The following CTNNA2 variants were observed in gnomAD, a reference collection of about 807,000 sequenced individuals.
CTNNA2 encodes catenin alpha-2.
Under a neutral mutation model 101.0 loss-of-function variants are expected in CTNNA2, and 42 were observed. The observed-to-expected ratio is 0.42, with a 90% CI of 0.32 to 0.54. CTNNA2 has a LOEUF of 0.54. Ranked by LOEUF, CTNNA2 falls within the 20% of genes least tolerant of loss-of-function variation. The pLI, the probability that CTNNA2 is intolerant of heterozygous loss-of-function variation, is 0.14. For missense variants in CTNNA2, 871 were observed against 1,223.1 expected, an observed-to-expected ratio of 0.71 and a Z score of 4.29; for synonymous variants, 450 against 456.4, an observed-to-expected ratio of 0.99 and a Z score of 0.18.
intron 2 of CTNNA2, among the ~76,000 whole-genome samples, chr2:79,208,729 C>T (rs767111232): frequency 2.0e-5 from 3 of 152,152 alleles, no homozygotes; most frequent in African/African-American, 4.8e-5. Context: ...TTCATTTATC[C>T]TTCTCAGTAC....
At chr2:79,420,411 T>C (rs545658107) in intron 4 of CTNNA2, among the ~76,000 whole-genome samples, 3 of 152,112 alleles carry the variant, frequency 2.0e-5, no homozygotes, top group South Asian at 4.2e-4. Context: ...AAAAATAACA[T>C]TGTACATATA....
intron 9 of CTNNA2, among the ~76,000 whole-genome samples, chr2:80,515,820 G>A (rs1042311435): frequency 6.6e-6 from 1 of 152,182 alleles, no homozygotes; most frequent in Non-Finnish European, 1.5e-5. Context: ...ATCAATTGAG[G>A]CTTCAGATTC....
chr2:79,651,927 A>G (rs1438733971), intron 2 of CTNNA2, among the ~76,000 whole-genome samples: 3 of 152,144 alleles, frequency 2.0e-5, no homozygotes, highest in African/African-American at 7.2e-5. Flanking sequence ...CATTTACGGT[A>G]ATGGGTTCAA....
chr2:79,368,404 C>T (rs995463515), intron 3 of CTNNA2, among the ~76,000 whole-genome samples: 36 of 152,220 alleles, frequency 2.4e-4, no homozygotes, highest in African/African-American at 8.4e-4. Context: ...GAATTCCCTT[C>T]TGCAATAAAG....
chr2:79,974,141 G>A (rs502234), intron 7 of CTNNA2, among the ~76,000 whole-genome samples: 72,571 of 151,648 alleles, frequency 0.48, 18,920 homozygotes, highest in Non-Finnish European at 0.6. Flanking sequence ...GAAAACTTTC[G>A]CAGGTGTATC....
intron 15 of CTNNA2, among the ~76,000 whole-genome samples, chr2:80,591,981 T>G (rs1378785765): frequency 3.3e-5 from 5 of 152,200 alleles, no homozygotes; most frequent in Non-Finnish European, 7.3e-5. Flanking sequence ...TGCATGCTTT[T>G]CTTTTCATGT....
At chr2:79,802,424 G>C (rs982495317) in intron 3 of CTNNA2, among the ~76,000 whole-genome samples, 11 of 152,172 alleles carry the variant, frequency 7.2e-5, no homozygotes, top group Admixed American at 2.6e-4. Flanking sequence ...TGAGTGATTT[G>C]AGGACATCAT....
At chr2:79,404,074 T>A (rs1416835449) in intron 4 of CTNNA2, among the ~76,000 whole-genome samples, 1 of 151,874 alleles carries the variant, frequency 6.6e-6, no homozygotes, top group African/African-American at 2.4e-5. Context: ...TCTAACAAAT[T>A]TTACTCACAT....
At chr2:80,506,412 C>T (rs1172947171) in intron 9 of CTNNA2, among the ~76,000 whole-genome samples, 2 of 152,050 alleles carry the variant, frequency 1.3e-5, no homozygotes, top group Non-Finnish European at 2.9e-5. Flanking sequence ...CAATTCAGAG[C>T]TGTTGGAGGC....
At chr2:80,608,984 C>A (rs571422144) in intron 17 of CTNNA2, among the ~76,000 whole-genome samples, 23 of 151,956 alleles carry the variant, frequency 1.5e-4, no homozygotes, top group African/African-American at 5.5e-4. Context: ...AGAAGAATCA[C>A]AATTTCTTGG....
chr2:79,739,332 C>T (rs1337591588), intron 2 of CTNNA2, among the ~76,000 whole-genome samples: 1 of 152,166 alleles, frequency 6.6e-6, no homozygotes, highest in Non-Finnish European at 1.5e-5. Flanking sequence ...CTCTGTCAAA[C>T]TCTTCCATTC....
intron 3 of CTNNA2, among the ~76,000 whole-genome samples, chr2:79,787,773 T>C (rs941054719): frequency 6.6e-6 from 1 of 152,084 alleles, no homozygotes; most frequent in Admixed American, 6.6e-5. Context: ...CATCTCCTTT[T>C]ATCTATTGAT....
intron 7 of CTNNA2, among the ~76,000 whole-genome samples, chr2:80,234,941 G>C (rs1709465166): frequency 6.6e-6 from 1 of 152,030 alleles, no homozygotes; most frequent in Non-Finnish European, 1.5e-5. Context: ...GGCTGTGTCT[G>C]ATAAATATTT....
chr2:79,757,167 G>T (rs760889047), intron 3 of CTNNA2, among the ~76,000 whole-genome samples: 1 of 152,008 alleles, frequency 6.6e-6, no homozygotes, highest in Non-Finnish European at 1.5e-5. Context: ...TGGAAAATTC[G>T]CAAAGATAGT....
chr2:80,197,234 C>A (rs1437515467), intron 7 of CTNNA2, among the ~76,000 whole-genome samples: 1 of 152,188 alleles, frequency 6.6e-6, no homozygotes, highest in Non-Finnish European at 1.5e-5. Flanking sequence ...AGGGCTCAGA[C>A]TCACATCGTT....
intron 18 of CTNNA2, among the ~76,000 whole-genome samples, chr2:80,620,207 G>A (rs1056523328): frequency 6.6e-6 from 1 of 151,674 alleles, no homozygotes; most frequent in Non-Finnish European, 1.5e-5. Flanking sequence ...AAGCATCCTG[G>A]TGTGGATTAT....
chr2:79,848,372 A>C (rs2103886356), intron 3 of CTNNA2, among the ~76,000 whole-genome samples: 1 of 152,256 alleles, frequency 6.6e-6, no homozygotes, highest in Non-Finnish European at 1.5e-5. Flanking sequence ...ACGTTTCCTA[A>C]TTTATGGTCT....
chr2:80,506,490 A>G (rs1218056331), intron 9 of CTNNA2, among the ~76,000 whole-genome samples: 1 of 152,142 alleles, frequency 6.6e-6, no homozygotes, highest in African/African-American at 2.4e-5. Context: ...AGGTCTACAT[A>G]GGTCACAATG....
At chr2:80,404,198 A>G (rs776496448) in intron 8 of CTNNA2, among the ~76,000 whole-genome samples, 1 of 152,128 alleles carries the variant, frequency 6.6e-6, no homozygotes, top group Non-Finnish European at 1.5e-5. Flanking sequence ...AGGTGTTTAT[A>G]GTATTCTCTG....
Sources: gnomAD v4.1 joint callset for allele counts (sites outside exome capture counted in the v4.1 genomes callset) on GRCh38, gnomAD v4.1.1 for gene constraint, MANE v1.5 for transcripts, NCBI Gene and HGNC (gene_info 2026-07-23, HGNC 2026-07-21) for gene names.